TEX2: variants seen among roughly 807,000 people sequenced by gnomAD.
TEX2 encodes the protein testis expressed 2.
In TEX2, 53 loss-of-function variants were observed where a neutral mutation model predicts 106.9. The ratio of observed to expected loss-of-function variants is 0.50; its 90% CI spans 0.40 to 0.62. The LOEUF is 0.62. Ranked by LOEUF, TEX2 falls within the 20% of genes least tolerant of loss-of-function variation. TEX2 has a pLI of 0.00. For missense variants in TEX2, 1,207 were observed against 1,379.0 expected (o/e 0.88, Z 1.98); for synonymous variants, 523 against 534.8 (o/e 0.98, Z 0.30).
In TEX2 at chr17:64,195,376, C is replaced by T. The variant is rs983328855; in HGVS notation, c.1645-281G>A. 1.3e-5 allele frequency among the ~76,000 whole-genome samples: 2 copies of T among 152,118 alleles called. No homozygotes were observed. Among genetic ancestry groups the T allele is most frequent in the Non-Finnish European group, 2.9e-5 (2 of 68,030 alleles). Reference sequence around the variant, plus strand: ...TTTCTTTTTTTAAAGCTTATAAGCACATCAGGAAACTCAGAAGATTTGTTC... The same window carrying T: ...TTTCTTTTTTTAAAGCTTATAAGCATATCAGGAAACTCAGAAGATTTGTTC... On this transcript the variant is annotated intron_variant, in intron 2 of 11. Coordinates refer to ENST00000584379, the MANE Select transcript of TEX2 (RefSeq NM_001288732.2). This position sits in a 1 kb window ranked among gnomAD's most constrained non-coding sequence, Gnocchi z 4.1.
At chr17:64,220,903 T>C (rs183875231) in intron 1 of TEX2, among the ~76,000 whole-genome samples, 4 of 152,244 alleles carry the variant, frequency 2.6e-5, no homozygotes, top group Admixed American at 2.6e-4. Context: ...CATGCACACA[T>C]ACGTTCACTG....
intron 1 of TEX2, among the ~76,000 whole-genome samples, chr17:64,228,230 C>A (rs567770435): frequency 1.3e-5 from 2 of 152,328 alleles, no homozygotes; most frequent in African/African-American, 4.8e-5. Flanking sequence ...GTGAAATTTT[C>A]TCCTCCTCCC....
At chr17:64,258,132 G>A (rs1229768909) in intron 1 of TEX2, among the ~76,000 whole-genome samples, 1 of 152,004 alleles carries the variant, frequency 6.6e-6, no homozygotes. Flanking sequence ...GGCTGGTCTG[G>A]AACTCCTGAG....
intron 1 of TEX2, among the ~76,000 whole-genome samples, chr17:64,256,422 A>T (rs1555637738): frequency 2.0e-5 from 3 of 152,098 alleles, no homozygotes; most frequent in Non-Finnish European, 2.9e-5. Flanking sequence ...GCCTTGTGAC[A>T]TGTCCTCTGC....
intron 4 of TEX2, among the ~76,000 whole-genome samples, chr17:64,191,343 T>C (rs1351987349): frequency 6.6e-6 from 1 of 152,174 alleles, no homozygotes; most frequent in Non-Finnish European, 1.5e-5. Flanking sequence ...ATGCCTCTTT[T>C]GAAGGTGCTC....
At chr17:64,235,514 CA>C (rs2143351636) in intron 1 of TEX2, among the ~76,000 whole-genome samples, 1 of 152,312 alleles carries the variant, frequency 6.6e-6, no homozygotes, top group East Asian at 1.9e-4. Context: ...ACAACTCAGG[CA>C]AGCACTGAAA....
intron 7 of TEX2, among the ~76,000 whole-genome samples, chr17:64,170,088 T>A (rs542092664): frequency 6.6e-6 from 1 of 152,134 alleles, no homozygotes; most frequent in South Asian, 2.1e-4. Flanking sequence ...AATCCTTACA[T>A]CATCATCATC....
At chr17:64,168,305 C>G (rs2143710425) in intron 7 of TEX2, among the ~76,000 whole-genome samples, 1 of 152,286 alleles carries the variant, frequency 6.6e-6, no homozygotes, top group South Asian at 2.1e-4. Context: ...TTGGAAAAAC[C>G]TGATTTGATC....
Position 64,217,785 on chromosome 17 carries a change from C to G in TEX2, c.-25-3543G>C, listed in dbSNP as rs1233436100. 6.6e-6 allele frequency among the ~76,000 whole-genome samples: 1 copy of G among 152,192 alleles called. No individual in the cohort carries two copies. The highest frequency in any genetic ancestry group is 2.4e-5 in the African/African-American group (1 of 41,444). Reference sequence around the variant, plus strand: ...CAGTCTCTTTTTCCCATAGTTCCAGCAGACTACAAAGCCCTTGGGTTTTAA... The same window carrying G: ...CAGTCTCTTTTTCCCATAGTTCCAGGAGACTACAAAGCCCTTGGGTTTTAA... On this transcript the variant is annotated intron_variant, in intron 1 of 11. Transcript: ENST00000584379. This position sits in a 1 kb window ranked among gnomAD's most constrained non-coding sequence, Gnocchi z 4.3.
intron 5 of TEX2, among the ~76,000 whole-genome samples, chr17:64,178,629 A>AT (rs1376880673): frequency 1.3e-5 from 2 of 152,224 alleles, no homozygotes; most frequent in African/African-American, 4.8e-5. Context: ...GTCTCTAATT[A>AT]GACTGTAGCC....
chr17:64,195,299 A>G lies in TEX2; in HGVS notation c.1645-204T>C, dbSNP rs920392613. On this transcript the variant is annotated intron_variant, in intron 2 of 11. Transcript: ENST00000584379. This position sits in a 1 kb window ranked among gnomAD's most constrained non-coding sequence, Gnocchi z 4.1. ...CTGAGGAGGTTTTTGATAACCAAAA[A>G]TCTGGATTTGGAGGAAAAATGGCAA... Among the ~76,000 whole-genome samples the G allele has an allele frequency of 6.6e-6, 1 of 152,160 alleles. No homozygotes were observed. The highest frequency in any genetic ancestry group is 1.5e-5 in the Non-Finnish European group (1 of 68,018).
At chr17:64,240,755 A>G (rs1048327824) in intron 1 of TEX2, among the ~76,000 whole-genome samples, 3 of 152,156 alleles carry the variant, frequency 2.0e-5, no homozygotes, top group African/African-American at 7.2e-5. Flanking sequence ...TGGTCGATGA[A>G]GGGGAAAGCA....
intron 5 of TEX2, among the ~76,000 whole-genome samples, chr17:64,179,155 T>C (rs369561465): frequency 6.6e-6 from 1 of 152,152 alleles, no homozygotes; most frequent in Non-Finnish European, 1.5e-5. Context: ...GATTGTAAAA[T>C]GCACCAATCA....
intron 1 of TEX2, among the ~76,000 whole-genome samples, chr17:64,236,455 C>T (rs1001640215): frequency 6.6e-6 from 1 of 152,120 alleles, no homozygotes; most frequent in Non-Finnish European, 1.5e-5. Flanking sequence ...GTCCCAGCTA[C>T]CTGGAGGCTG....
intron 2 of TEX2, among the ~76,000 whole-genome samples, chr17:64,203,094 T>G (rs1254879659): frequency 6.6e-6 from 1 of 152,242 alleles, no homozygotes; most frequent in Non-Finnish European, 1.5e-5. Flanking sequence ...GAAGAACTAC[T>G]ACCGTGCTTT....
rs781936117 is a variant in TEX2 at position 64,213,394 on chromosome 17, C to T, written c.824G>A (p.Arg275His). ...SSPLTSPSDT[R>H]SFFKVPEMEA... The stretch of plus-strand genomic sequence containing the variant: ...CATTTCGGGCACTTTAAAAAAGGAA[C>T]GAGTATCAGAGGGAGAAGTCAGTGG... The change falls in exon 2 of 12, where the codon CGT becomes CAT. Residue 275 changes from arginine to histidine, a missense_variant. Coordinates refer to ENST00000584379, the MANE Select transcript of TEX2 (RefSeq NM_001288732.2). The surrounding 1 kb of genome is among the most constrained non-coding windows in gnomAD (Gnocchi z 4.4). The T allele has an allele frequency of 3.0e-5, 48 of 1,613,834 alleles. No individual in the cohort carries two copies. Among genetic ancestry groups the T allele is most frequent in the African/African-American group, 4.0e-5 (3 of 74,898 alleles).
chr17:64,193,497 T>C, intron 4 of TEX2, 62 bp downstream of exon 4: 1 of 1,313,408 alleles, frequency 7.6e-7, no homozygotes, highest in East Asian at 2.6e-5. Flanking sequence ...CCTGGCATTC[T>C]TTCTCTATTC....
chr17:64,165,353 C>G (rs2031078961), intron 7 of TEX2, among the ~76,000 whole-genome samples: 1 of 152,206 alleles, frequency 6.6e-6, no homozygotes, highest in African/African-American at 2.4e-5. Flanking sequence ...TAGAGCTCCA[C>G]CCCTTCAAGG....
chr17:64,227,712 T>C (rs1322913299), intron 1 of TEX2, among the ~76,000 whole-genome samples: 1 of 152,226 alleles, frequency 6.6e-6, no homozygotes, highest in Non-Finnish European at 1.5e-5. Flanking sequence ...GCCTTTAGTT[T>C]GAGTTCCACC....
Sources: gnomAD v4.1 joint callset for allele counts (sites outside exome capture counted in the v4.1 genomes callset) on GRCh38, gnomAD v4.1.1 for gene constraint, Gnocchi (gnomAD v3.1) non-coding constraint, MANE v1.5 for transcripts, NCBI Gene and HGNC (gene_info 2026-07-23, HGNC 2026-07-21) for gene names.